Variants in DAB1 observed in about 807,000 individuals in gnomAD.
The protein encoded by DAB1 is DAB adaptor protein 1.
Under a neutral mutation model 64.6 loss-of-function variants are expected in DAB1, and 15 were observed. That is an observed-to-expected ratio of 0.23 (90% CI 0.16 to 0.36). The LOEUF is 0.36. DAB1 is among the 10% of genes least tolerant of loss of function. The probability of loss-of-function intolerance (pLI) is 1.00; values close to 1 mark genes in which losing one functional copy is unlikely to be tolerated. For synonymous variants in DAB1, 235 were observed against 251.9 expected, an observed-to-expected ratio of 0.93 and a Z score of 0.64; for missense variants, 596 against 706.7, an observed-to-expected ratio of 0.84 and a Z score of 1.78.
chr1:58,010,891 T>C (rs752054310), intron 5 of DAB1, among the ~76,000 whole-genome samples: 25 of 152,364 alleles, frequency 1.6e-4, no homozygotes, highest in Non-Finnish European at 2.9e-4. Flanking sequence ...TACCAACTGA[T>C]TGATGCTGAC....
At chr1:57,920,180 T>C (rs1644788006) in intron 5 of DAB1, among the ~76,000 whole-genome samples, 1 of 152,210 alleles carries the variant, frequency 6.6e-6, no homozygotes, top group Non-Finnish European at 1.5e-5. Context: ...GGTCATTTAG[T>C]CTGACCCCCA....
intron 2 of DAB1, among the ~76,000 whole-genome samples, chr1:57,227,516 C>CTTTTTT (rs1553158361): frequency 8.3e-5 from 9 of 108,112 alleles, no homozygotes; most frequent in African/African-American, 2.4e-4. Flanking sequence ...GATTTTTTTT[C>CTTTTTT]TTTTGTGTGT....
intron 1 of DAB1, among the ~76,000 whole-genome samples, chr1:57,831,515 T>C (rs952882858): frequency 2.0e-5 from 3 of 149,766 alleles, no homozygotes; most frequent in Non-Finnish European, 3.0e-5. Context: ...ATTAACTAAA[T>C]AATACATATT....
chr1:57,674,377 C>G (rs140840047), intron 6 of DAB1, among the ~76,000 whole-genome samples: 183 of 152,250 alleles, frequency 1.2e-3, no homozygotes, highest in African/African-American at 4.3e-3. Context: ...ATAAGACACT[C>G]AAGAATTACT....
intron 4 of DAB1, among the ~76,000 whole-genome samples, chr1:58,157,694 T>C (rs1036612478): frequency 1.7e-4 from 26 of 152,144 alleles, no homozygotes; most frequent in African/African-American, 2.9e-4. Flanking sequence ...AACACTGAGT[T>C]GCTGGAATCC....
intron 7 of DAB1, among the ~76,000 whole-genome samples, chr1:57,448,871 A>C (rs1015263152): frequency 8.5e-5 from 13 of 152,192 alleles, no homozygotes; most frequent in African/African-American, 3.1e-4. Context: ...CTCAGTCCTA[A>C]ATTACTTAAC....
At chr1:58,210,915 A>C (rs1477641234) in intron 4 of DAB1, among the ~76,000 whole-genome samples, 1 of 152,196 alleles carries the variant, frequency 6.6e-6, no homozygotes, top group East Asian at 1.9e-4. Context: ...TTCTCTGAGA[A>C]CATGTTATTT....
intron 7 of DAB1, among the ~76,000 whole-genome samples, chr1:57,642,470 T>C (rs1646141633): frequency 6.6e-6 from 1 of 152,156 alleles, no homozygotes; most frequent in East Asian, 1.9e-4. Context: ...CTTCCATATG[T>C]CTCCCCTCTA....
chr1:58,525,903 AT>A (rs1646341774), intron 2 of DAB1, among the ~76,000 whole-genome samples: 1 of 152,144 alleles, frequency 6.6e-6, no homozygotes, highest in African/African-American at 2.4e-5. Context: ...GAGACCCCAG[AT>A]ATACTCCCAC....
chr1:56,998,818 A>G (rs1404922176), intron 14 of DAB1, among the ~76,000 whole-genome samples: 1 of 152,200 alleles, frequency 6.6e-6, no homozygotes. Flanking sequence ...AAACACATAC[A>G]GGGATTTTCA....
intron 1 of DAB1, chr1:57,862,953 A>G (rs1654127821): frequency 6.6e-6 from 1 of 152,206 alleles, no homozygotes; most frequent in Non-Finnish European, 1.5e-5. Context: ...AAATGACAAC[A>G]TATGCCCACA....
chr1:57,408,312 C>G (rs116539674), intron 1 of DAB1, among the ~76,000 whole-genome samples: 1 of 152,182 alleles, frequency 6.6e-6, no homozygotes, highest in African/African-American at 2.4e-5. Context: ...GCAGCATATA[C>G]TACACCACAT....
At chr1:57,699,072 G>C (rs1229090472) in intron 6 of DAB1, among the ~76,000 whole-genome samples, 1 of 152,024 alleles carries the variant, frequency 6.6e-6, no homozygotes, top group African/African-American at 2.4e-5. Flanking sequence ...CAAGTAGCTG[G>C]GACTACAGGT....
chr1:57,561,938 T>G (rs1037484485), intron 7 of DAB1, among the ~76,000 whole-genome samples: 1 of 152,200 alleles, frequency 6.6e-6, no homozygotes, highest in Non-Finnish European at 1.5e-5. Context: ...GAATAGACAC[T>G]TACTCCAGAT....
intron 3 of DAB1, among the ~76,000 whole-genome samples, chr1:58,361,863 CT>C (rs34029239): frequency 0.016 from 1,327 of 83,966 alleles, 13 homozygotes; most frequent in African/African-American, 0.056. Flanking sequence ...AAAGATCCCC[CT>C]TTTTTTTTTT....
chr1:58,141,125 CGAGA>C (rs952086315), intron 5 of DAB1, among the ~76,000 whole-genome samples: 1 of 151,692 alleles, frequency 6.6e-6, no homozygotes, highest in African/African-American at 2.4e-5. Flanking sequence ...AGAGCAAGAG[CGAGA>C]GAGAGAGAGT....
chr1:58,061,865 A>G (rs1261709981), intron 5 of DAB1, among the ~76,000 whole-genome samples: 2 of 152,112 alleles, frequency 1.3e-5, no homozygotes, highest in Non-Finnish European at 1.5e-5. Flanking sequence ...AGGAAATGTG[A>G]TTTCCTTTCC....
chr1:57,371,489 T>G (rs1680491465), intron 1 of DAB1, among the ~76,000 whole-genome samples: 1 of 152,220 alleles, frequency 6.6e-6, no homozygotes, highest in Non-Finnish European at 1.5e-5. Flanking sequence ...TGTGAATACA[T>G]ACAACTCATA....
chr1:57,636,183 G>A (rs1037147127), intron 7 of DAB1, among the ~76,000 whole-genome samples: 4 of 149,480 alleles, frequency 2.7e-5, no homozygotes, highest in Non-Finnish European at 4.4e-5. Context: ...TTCTCTACCC[G>A]AGTGTGCACA....
Sources: gnomAD v4.1 joint callset for allele counts (sites outside exome capture counted in the v4.1 genomes callset) on GRCh38, gnomAD v4.1.1 for gene constraint, MANE v1.5 for transcripts, NCBI Gene and HGNC (gene_info 2026-07-23, HGNC 2026-07-21) for gene names.